NFATC1: variants seen among roughly 807,000 people sequenced by gnomAD.
NFATC1 encodes nuclear factor of activated T cells 1, also known as nuclear factor of activated T-cells, cytoplasmic 1.
Under a neutral mutation model 76.0 loss-of-function variants are expected in NFATC1, and 22 were observed. The ratio of observed to expected loss-of-function variants is 0.29; its 90% confidence interval spans 0.21 to 0.41. The LOEUF (loss-of-function observed/expected upper bound fraction) is 0.41, where lower values mean the gene tolerates loss of function less well. Among genes scored for constraint, NFATC1 ranks in the 10% least tolerant of loss-of-function variants. The pLI, the probability that NFATC1 is intolerant of heterozygous loss-of-function variation, is 1.00. For synonymous variants in NFATC1, 704 were observed against 613.1 expected, an observed-to-expected ratio of 1.15 and a Z score of -2.19; for missense variants, 1,357 against 1,337.7, an observed-to-expected ratio of 1.01 and a Z score of -0.23.
chr18:79,454,516 G>A (rs530540947), intron 6 of NFATC1, among the ~76,000 whole-genome samples: 38 of 152,276 alleles, frequency 2.5e-4, no homozygotes, highest in South Asian at 1.5e-3. Context: ...GGCATGGCTC[G>A]CCGTAGCCTG....
chr18:79,426,370 G>A (rs929473039), intron 2 of NFATC1, among the ~76,000 whole-genome samples: 27 of 152,150 alleles, frequency 1.8e-4, no homozygotes, highest in African/African-American at 5.3e-4. Flanking sequence ...GGCTCCTCCC[G>A]TGGAAAGGAC....
intron 2 of NFATC1, among the ~76,000 whole-genome samples, chr18:79,425,906 G>C (rs916906760): frequency 6.6e-6 from 1 of 152,222 alleles, no homozygotes; most frequent in East Asian, 1.9e-4. Context: ...TTTAAACACA[G>C]ATAAACCACG....
At chr18:79,483,989 G>GCGTGACCTGGTCCTGGGGTGTCACTCCAA in intron 8 of NFATC1, among the ~76,000 whole-genome samples, 1 of 150,054 alleles carries the variant, frequency 6.7e-6, no homozygotes, top group Non-Finnish European at 1.5e-5. Context: ...TGTCACTCCA[G>GCGTGACCTGGTCCTGGGGTGTCACTCCAA]CGTGACCTGG....
At chr18:79,526,643 C>T (rs923324222) in intron 9 of NFATC1, among the ~76,000 whole-genome samples, 2 of 152,226 alleles carry the variant, frequency 1.3e-5, no homozygotes, top group South Asian at 2.1e-4. Context: ...GTTATCAGTT[C>T]CCATGACACA....
intron 8 of NFATC1, among the ~76,000 whole-genome samples, chr18:79,474,541 CATT>C (rs1426140617): frequency 6.8e-6 from 1 of 148,010 alleles, no homozygotes; most frequent in African/African-American, 2.5e-5. Flanking sequence ...TCACTGTCGA[CATT>C]GTGAGGGAAG....
In NFATC1 at chr18:79,400,344, C is replaced by T. The variant is rs1375188110; in HGVS notation, c.127+3993C>T. On this transcript the variant is annotated intron_variant, in intron 1 of 9. Transcript: ENST00000427363. ...GGGCAGCGCCGGGAGAACCGAACCC[C>T]TGGCGGCCGCGACCCCGGCTCCCGC... 6.5e-6 allele frequency: 9 copies of T among 1,392,858 alleles called. No individual in the cohort carries two copies. In the Admixed American group the frequency reaches 1.5e-4, roughly 23 times the overall value. 86.3% of individuals were successfully genotyped at this position (1,392,858 alleles called of 1,614,324 possible).
At chr18:79,449,086 C>CCACGCAGCCTGGAAG in intron 4 of NFATC1, 102 bp downstream of exon 4, 1 of 1,169,464 alleles carries the variant, frequency 8.6e-7, no homozygotes, top group Non-Finnish European at 1.2e-6. Context: ...CACTTCCAGG[C>CCACGCAGCCTGGAAG]TGCGTGGCCA....
intron 8 of NFATC1, among the ~76,000 whole-genome samples, chr18:79,482,418 C>A (rs1359830320): frequency 1.8e-3 from 153 of 84,348 alleles, no homozygotes; most frequent in East Asian, 3.3e-3. Flanking sequence ...CCTGGGGTGT[C>A]ATTCCAGCGT....
chr18:79,410,220 T>A lies in NFATC1; in HGVS notation c.128-183T>A. On this transcript the variant is annotated intron_variant, in intron 1 of 9. Transcript: ENST00000427363. The surrounding 1 kb of genome is among the most constrained non-coding windows in gnomAD (Gnocchi z 6.7). The stretch of plus-strand genomic sequence containing the variant: ...GGGAGCCTTGTTGGCCAGGTGGGAC[T>A]GGGGCTGTCACTCCAAGTCGCCCGG... 2.1e-6 allele frequency: 2 copies of A among 953,604 alleles called. No individual in the cohort carries two copies. Among genetic ancestry groups the A allele is most frequent in the Non-Finnish European group, 3.2e-6 (2 of 618,650 alleles). 59.1% of individuals were successfully genotyped at this position (953,604 alleles called of 1,614,324 possible).
chr18:79,518,132 C>A (rs1037752077), intron 9 of NFATC1, among the ~76,000 whole-genome samples: 10 of 152,358 alleles, frequency 6.6e-5, no homozygotes, highest in African/African-American at 2.4e-4. Flanking sequence ...CCACCACTCC[C>A]AGATGGGCTC....
chr18:79,486,430 C>G lies in NFATC1; in HGVS notation c.2275C>G (p.Pro759Ala). Reference protein sequence around the residue: ...PPCPQRSTLMPAAPGVSPKLH... With the variant: ...PPCPQRSTLMAAAPGVSPKLH... ...CTGTCCGCAGAGAAGCACCCTGATG[C>G]CAGCGGCCCCTGGCGTGAGCCCCAA... Residue 759 changes from proline (P) to alanine (A), a missense_variant, in exon 9 of 10, where the codon CCA becomes GCA. By Grantham distance (27) the Pro-to-Ala change is conservative. Transcript: ENST00000427363. The G allele has an allele frequency of 6.2e-7, 1 of 1,612,398 alleles. No individual in the cohort carries two copies.
At chr18:79,426,282 C>T (rs2086328977) in intron 2 of NFATC1, among the ~76,000 whole-genome samples, 2 of 148,586 alleles carry the variant, frequency 1.3e-5, no homozygotes, top group African/African-American at 5.1e-5. Context: ...GACGGCATCT[C>T]TGTCGCGAGC....
At position 79,469,399 on chromosome 18, in the gene NFATC1, G is replaced by A. The variant is rs1380991451; in HGVS notation, c.2092+1817G>A. On this transcript the variant is annotated intron_variant, in intron 8 of 9. Transcript: ENST00000427363. ...CACGTATCTCAGAGGCAGAAGGGGC[G>A]TGCGGGGAGCGTGCCTGCCCTTCAC... 13 of 985,472 alleles carry A rather than the reference G, an allele frequency of 1.3e-5. No individual in the cohort carries two copies. The East Asian group carries it at 4.6e-4, about 35-fold the overall frequency. 61.0% of individuals were successfully genotyped at this position (985,472 alleles called of 1,614,324 possible).
At chr18:79,485,860 T>C (rs901186013) in intron 8 of NFATC1, among the ~76,000 whole-genome samples, 13 of 152,250 alleles carry the variant, frequency 8.5e-5, no homozygotes, top group Non-Finnish European at 1.5e-4. Flanking sequence ...TGTTCGAGTT[T>C]ACCAAATGTG....
chr18:79,424,713 CTG>C (rs1429429279), intron 2 of NFATC1, among the ~76,000 whole-genome samples: 1 of 151,762 alleles, frequency 6.6e-6, no homozygotes, highest in Non-Finnish European at 1.5e-5. Context: ...TTCTCTGTGT[CTG>C]TCTCTGTCTC....
At chr18:79,438,232 C>T (rs1486335184) in intron 3 of NFATC1, among the ~76,000 whole-genome samples, 3 of 152,254 alleles carry the variant, frequency 2.0e-5, no homozygotes, top group Non-Finnish European at 4.4e-5. Context: ...TTGCCGTGGA[C>T]TGCAGCCCCC....
chr18:79,408,583 G>A (rs1349410828), intron 1 of NFATC1, among the ~76,000 whole-genome samples: 1 of 152,204 alleles, frequency 6.6e-6, no homozygotes, highest in Non-Finnish European at 1.5e-5. Context: ...TCTCCATGAG[G>A]GGGATTTCAC....
intron 1 of NFATC1, among the ~76,000 whole-genome samples, chr18:79,399,416 C>T (rs1242142775): frequency 6.6e-6 from 1 of 152,196 alleles, no homozygotes; most frequent in East Asian, 1.9e-4. Context: ...CGCACCCCTC[C>T]GCCCGGGCCG....
chr18:79,408,354 T>C (rs2085512544), intron 1 of NFATC1, among the ~76,000 whole-genome samples: 1 of 152,240 alleles, frequency 6.6e-6, no homozygotes, highest in Non-Finnish European at 1.5e-5. Flanking sequence ...CCTCTAGGCA[T>C]GTAATCATGA....
Sources: gnomAD v4.1 joint callset for allele counts (sites outside exome capture counted in the v4.1 genomes callset) on GRCh38, gnomAD v4.1.1 for gene constraint, Gnocchi (gnomAD v3.1) non-coding constraint, MANE v1.5 for transcripts, NCBI Gene and HGNC (gene_info 2026-07-23, HGNC 2026-07-21) for gene names.